ZNF835: variants seen among roughly 807,000 people sequenced by gnomAD.
ZNF835 encodes zinc finger protein 835.
For synonymous variants in ZNF835, 323 were observed against 324.7 expected (o/e 0.99, Z 0.06); for missense variants, 783 against 758.4 (o/e 1.03, Z -0.38).
At chr19:56,668,451 G>C (rs990460163) in intron 1 of ZNF835, among the ~76,000 whole-genome samples, 3 of 151,286 alleles carry the variant, frequency 2.0e-5, no homozygotes, top group African/African-American at 7.3e-5. Context: ...CTGCAGCCTG[G>C]GAATCCTGGC....
At position 56,664,776 on chromosome 19, in the gene ZNF835, G is replaced by A. The variant is rs201004452; in HGVS notation, c.423C>T (p.Pro141=). 1.2e-6 allele frequency: 2 copies of A among 1,614,142 alleles called. No individual in the cohort carries two copies. The highest frequency in any genetic ancestry group is 1.7e-5 in the Admixed American group (1 of 60,026). Residue 141 remains proline (P), a synonymous_variant, in exon 2 of 2, where the codon CCC becomes CCT. Coordinates refer to ENST00000537055, the MANE Select transcript of ZNF835 (RefSeq NM_001005850.3). ...TCTGGCTGAAGGCCTTGCCGCACTCGGGGCACGCAAATGGCTTCTCCCCGG... is the reference window on the plus strand; with the variant it reads ...TCTGGCTGAAGGCCTTGCCGCACTCAGGGCACGCAAATGGCTTCTCCCCGG... The part of the protein sequence containing the change: ...IHTGEKPFAC[P]ECGKAFSQSV...
rs1203264568 is a variant in ZNF835 at position 56,664,545 on chromosome 19, G to A, written c.654C>T (p.Gly218=). The change falls in exon 2 of 2, where the codon GGC becomes GGT. Residue 218 remains glycine (G), a synonymous_variant. Transcript: ENST00000537055. ...ACTGGGCGCACGCGTAGGGCCGCTCGCCCGTGTGCACGCGCCGGTGCTGGG... is the reference window on the plus strand; with the variant it reads ...ACTGGGCGCACGCGTAGGGCCGCTCACCCGTGTGCACGCGCCGGTGCTGGG... ...HLTQHRRVHT[G]ERPYACAQCA... 3.7e-6 allele frequency: 6 copies of A among 1,608,158 alleles called. No individual in the cohort carries two copies. The highest frequency in any genetic ancestry group is 5.1e-6 in the Non-Finnish European group (6 of 1,177,004).
At chr19:56,668,489 C>T (rs2045264200) in intron 1 of ZNF835, among the ~76,000 whole-genome samples, 1 of 151,894 alleles carries the variant, frequency 6.6e-6, no homozygotes, top group Non-Finnish European at 1.5e-5. Context: ...CTCAGCCTCC[C>T]AAAGGGCTTG....
chr19:56,663,430 T>C lies in ZNF835; in HGVS notation c.*155A>G, dbSNP rs1334551981. The C allele has an allele frequency of 9.6e-7, 1 of 1,043,400 alleles. No homozygotes were observed. Among genetic ancestry groups the C allele is most frequent in the Middle Eastern group, 3.1e-4 (1 of 3,208 alleles). 64.6% of individuals were successfully genotyped at this position (1,043,400 alleles called of 1,614,324 possible). Reference sequence around the variant, plus strand: ...GAAGACCGCAGGGGAGTCTGGCAGATGTGAGGTACAGTCTTAGCCCTGTGT... The same window carrying C: ...GAAGACCGCAGGGGAGTCTGGCAGACGTGAGGTACAGTCTTAGCCCTGTGT... On this transcript the variant is annotated 3_prime_UTR_variant, in exon 2 of 2. Transcript: ENST00000537055.
rs766780597 is a variant in ZNF835, at chr19:56,663,692, G to A, written c.1507C>T (p.Leu503Phe). The change falls in exon 2 of 2, where the codon CTT becomes TTT. Residue 503 changes from leucine (L) to phenylalanine (F), a missense_variant. Transcript: ENST00000537055. ...QRTHADSSGR[L>F]CPAPTPDSTP... ...GAGTCAGGCGTGGGAGCTGGGCAAA[G>A]GCGTCCCGAACTGTCTGCATGCGTC... 4.3e-6 allele frequency: 7 copies of A among 1,614,030 alleles called. No individual in the cohort carries two copies. The highest frequency in any genetic ancestry group is 3.3e-5 in the Admixed American group (2 of 60,036).
chr19:56,663,366 G>A lies in ZNF835; in HGVS notation c.*219C>T, dbSNP rs1444507893. The A allele has an allele frequency of 6.5e-6, 4 of 615,692 alleles. No homozygotes were observed. Among genetic ancestry groups the A allele is most frequent in the African/African-American group, 5.5e-5 (3 of 54,096 alleles). 38.1% of individuals were successfully genotyped at this position (615,692 alleles called of 1,614,324 possible). On this transcript the variant is annotated 3_prime_UTR_variant, in exon 2 of 2. Transcript: ENST00000537055. ...AAGGCCAGCCATAGGTGTTTCTGCAGGTCTACTTGCCCGTGCCCCATTTAT... is the reference window on the plus strand; with the variant it reads ...AAGGCCAGCCATAGGTGTTTCTGCAAGTCTACTTGCCCGTGCCCCATTTAT...
chr19:56,664,087 A>C lies in ZNF835; in HGVS notation c.1112T>G (p.Phe371Cys), dbSNP rs753424990. ...PYPCHDCGKR[F>C]SNRSHLLQHR... ...CTGGAGGAGGTGGGAGCGGTTGCTGAAGCGCTTGCCGCAGTCGTGGCAGGG... is the reference window on the plus strand; with the variant it reads ...CTGGAGGAGGTGGGAGCGGTTGCTGCAGCGCTTGCCGCAGTCGTGGCAGGG... Residue 371 changes from phenylalanine (F) to cysteine (C), a missense_variant, in exon 2 of 2, where the codon TTC (phenylalanine) becomes TGC (cysteine). Physicochemically the swap from Phe to Cys is radical, Grantham distance 205. Transcript: ENST00000537055. 6.3e-7 allele frequency: 1 copy of C among 1,599,770 alleles called. No homozygotes were observed. Among genetic ancestry groups the C allele is most frequent in the Non-Finnish European group, 8.5e-7 (1 of 1,170,492 alleles).
rs2045228662 is a variant in ZNF835 at position 56,664,751 on chromosome 19, T to C, written c.448A>G (p.Ser150Gly). Residue 150 changes from serine to glycine, a missense_variant, in exon 2 of 2, where the codon AGC becomes GGC. Coordinates refer to ENST00000537055, the MANE Select transcript of ZNF835 (RefSeq NM_001005850.3). The stretch of plus-strand genomic sequence containing the variant: ...CGCTGGTGCAGGGTCAGGTGCACGC[T>C]CTGGCTGAAGGCCTTGCCGCACTCG... ...CPECGKAFSQ[S>G]VHLTLHQRTH... The C allele has an allele frequency of 6.2e-7, 1 of 1,610,930 alleles. No individual in the cohort carries two copies. The highest frequency in any genetic ancestry group is 8.5e-7 in the Non-Finnish European group (1 of 1,178,336).
chr19:56,668,364 CTTTTT>C (rs10604506), intron 1 of ZNF835, among the ~76,000 whole-genome samples: 12 of 117,028 alleles, frequency 1.0e-4, no homozygotes, highest in African/African-American at 3.4e-4. Flanking sequence ...TAAAATAGGG[CTTTTT>C]TTTTTTTTTT....
intron 1 of ZNF835, among the ~76,000 whole-genome samples, chr19:56,669,526 T>C (rs1270927751): frequency 1.9e-5 from 2 of 105,798 alleles, no homozygotes; most frequent in Non-Finnish European, 3.8e-5. Flanking sequence ...TCCATTAGCA[T>C]AAATGTACTT....
At position 56,663,506 on chromosome 19, in the gene ZNF835, G is replaced by C. The variant is rs1235499715; in HGVS notation, c.*79C>G. 3 of 1,573,512 alleles carry C rather than the reference G, an allele frequency of 1.9e-6. No homozygotes were observed. Among genetic ancestry groups the C allele is most frequent in the Non-Finnish European group, 2.6e-6 (3 of 1,158,850 alleles). On this transcript the variant is annotated 3_prime_UTR_variant, in exon 2 of 2. Coordinates refer to ENST00000537055, the MANE Select transcript of ZNF835 (RefSeq NM_001005850.3). The stretch of plus-strand genomic sequence containing the variant: ...AGTTAACAAGCTTCTCTGAGCCTCG[G>C]TTTCCTCACAGGAAGCGTCGGGGAT...
intron 1 of ZNF835, among the ~76,000 whole-genome samples, chr19:56,666,786 A>G (rs566219844): frequency 1.3e-5 from 2 of 152,298 alleles, no homozygotes; most frequent in East Asian, 3.9e-4. Flanking sequence ...AGGAGACACC[A>G]GGGGGCTCAC....
intron 1 of ZNF835, among the ~76,000 whole-genome samples, chr19:56,667,568 C>G (rs555620210): frequency 3.6e-4 from 55 of 152,364 alleles, no homozygotes; most frequent in Non-Finnish European, 7.1e-4. Context: ...CCCTCACACA[C>G]AGGCATTCCC....
At chr19:56,665,616 A>G (rs891900675) in intron 1 of ZNF835, among the ~76,000 whole-genome samples, 2 of 152,220 alleles carry the variant, frequency 1.3e-5, no homozygotes, top group African/African-American at 4.8e-5. Context: ...TGCCTGGGCA[A>G]CACAGCAAGA....
At position 56,663,697 on chromosome 19, in the gene ZNF835, C is replaced by T. The variant is rs1934373196; in HGVS notation, c.1502G>A (p.Gly501Glu). The change falls in exon 2 of 2, where the codon GGA becomes GAA. Residue 501 changes from glycine to glutamate, a missense_variant. Transcript: ENST00000537055. ...RHQRTHADSS[G>E]RLCPAPTPDS... Reference sequence around the variant, plus strand: ...AGGCGTGGGAGCTGGGCAAAGGCGTCCCGAACTGTCTGCATGCGTCCTCTG... The same window carrying T: ...AGGCGTGGGAGCTGGGCAAAGGCGTTCCGAACTGTCTGCATGCGTCCTCTG... The T allele has an allele frequency of 6.2e-7, 1 of 1,613,906 alleles. No homozygotes were observed. Among genetic ancestry groups the T allele is most frequent in the South Asian group, 1.1e-5 (1 of 91,096 alleles).
chr19:56,664,521 C>G lies in ZNF835; in HGVS notation c.678G>C (p.Gln226His), dbSNP rs2045224093. The G allele has an allele frequency of 6.3e-7, 1 of 1,599,528 alleles. No homozygotes were observed. Among genetic ancestry groups the G allele is most frequent in the Non-Finnish European group, 8.5e-7 (1 of 1,174,604 alleles). The change falls in exon 2 of 2, where the codon CAG becomes CAC. Residue 226 changes from glutamine (Q) to histidine (H), a missense_variant. Physicochemically the swap from Gln to His is conservative, Grantham distance 24 (BLOSUM62 0). Transcript: ENST00000537055. ...HTGERPYACA[Q>H]CAKAFRNRSS... ...AGCGGTTGCGGAACGCCTTGGCGCA[C>G]TGGGCGCACGCGTAGGGCCGCTCGC...
Position 56,664,600 on chromosome 19 carries a change from C to A in ZNF835, c.599G>T (p.Gly200Val). ...GTGCGTGACGCGCGTGAAGGCCTTG[C>A]CGCAGTCGGCGCAGCGGTGCGGCTT... ...GEKPHRCADCGKAFTRVTHLT... is the reference protein window; with the variant it reads ...GEKPHRCADCVKAFTRVTHLT... Residue 200 changes from glycine to valine, a missense_variant, in exon 2 of 2, where the codon GGC becomes GTC. Gly to Val is a moderately radical substitution (Grantham distance 109). Transcript: ENST00000537055. 1.9e-6 allele frequency: 3 copies of A among 1,604,944 alleles called. No homozygotes were observed. The highest frequency in any genetic ancestry group is 1.7e-4 in the Middle Eastern group (1 of 6,040).
chr19:56,663,684 T>C lies in ZNF835; in HGVS notation c.1515A>G (p.Pro505=), dbSNP rs1290540461. The C allele has an allele frequency of 6.2e-7, 1 of 1,614,012 alleles. No homozygotes were observed. Residue 505 remains proline (P), a synonymous_variant, in exon 2 of 2, where the codon CCA becomes CCG. Transcript: ENST00000537055. ...THADSSGRLC[P]APTPDSTPGL... is the part of the protein sequence containing the mutation. ...CAGGTGTTGAGTCAGGCGTGGGAGC[T>C]GGGCAAAGGCGTCCCGAACTGTCTG...
At chr19:56,669,040 G>A (rs960113301) in intron 1 of ZNF835, among the ~76,000 whole-genome samples, 5 of 152,092 alleles carry the variant, frequency 3.3e-5, no homozygotes, top group African/African-American at 2.4e-5. Context: ...CTTCTGACAC[G>A]TGGGCTTTCT....
Sources: allele counts gnomAD v4.1 joint callset (sites outside exome capture counted in the v4.1 genomes callset), GRCh38; gene constraint gnomAD v4.1.1; transcripts MANE v1.5; gene names NCBI Gene and HGNC (gene_info 2026-07-23, HGNC 2026-07-21).